Variants in MAP2 observed in about 807,000 individuals in gnomAD.
MAP2 encodes microtubule-associated protein 2.
A neutral mutation model predicts 137.6 loss-of-function variants in MAP2; 14 were observed. The ratio of observed to expected loss-of-function variants is 0.10; its 90% CI spans 0.07 to 0.16. The LOEUF (loss-of-function observed/expected upper bound fraction) is 0.16, where lower values mean the gene tolerates loss of function less well. Ranked by LOEUF, MAP2 falls within the 10% of genes least tolerant of loss-of-function variation. MAP2 has a pLI of 1.00. For missense variants in MAP2, 2,088 were observed against 2,191.5 expected (o/e 0.95, Z 0.94); for synonymous variants, 786 against 782.3 (o/e 1.00, Z -0.08).
rs116543713 is a variant in MAP2 at position 209,581,933 on chromosome 2, G to A, written c.-107+1833G>A. On this transcript the variant is annotated intron_variant, in intron 3 of 15. Coordinates refer to ENST00000682079, the MANE Select transcript of MAP2 (RefSeq NM_001375505.1). Reference sequence around the variant, plus strand: ...ACAAAATGCATATAATAAAAAATGAGTTTATTAAAATAGTAGGTTGGGTGA... The same window carrying A: ...ACAAAATGCATATAATAAAAAATGAATTTATTAAAATAGTAGGTTGGGTGA... Among the ~76,000 whole-genome samples, 1,397 of 152,116 alleles carry A rather than the reference G, an allele frequency of 9.2e-3. 23 individuals carry two copies. Among genetic ancestry groups the A allele is most frequent in the African/African-American group, 0.031 (1,293 of 41,500 alleles).
intron 1 of MAP2, among the ~76,000 whole-genome samples, chr2:209,493,688 C>T (rs1169231792): frequency 6.6e-6 from 1 of 152,140 alleles, no homozygotes; most frequent in African/African-American, 2.4e-5. Context: ...AGAAAAGCTC[C>T]TCATCACTGG....
At chr2:209,503,183 T>A (rs2150141771) in intron 1 of MAP2, among the ~76,000 whole-genome samples, 2 of 151,992 alleles carry the variant, frequency 1.3e-5, no homozygotes, top group African/African-American at 4.8e-5. Flanking sequence ...GTATTCTTTG[T>A]AAAGTTCGGG....
chr2:209,704,115 C>G, intron 11 of MAP2: 1 of 450,046 alleles, frequency 2.2e-6, no homozygotes, highest in Admixed American at 2.4e-5. Context: ...GTTTTTCAAT[C>G]CTTCCCCCAC....
At chr2:209,512,709 A>G (rs1042591269) in intron 2 of MAP2, among the ~76,000 whole-genome samples, 1 of 152,044 alleles carries the variant, frequency 6.6e-6, no homozygotes, top group African/African-American at 2.4e-5. Flanking sequence ...TGGTACAATC[A>G]TAGCTTAGTA....
intron 4 of MAP2, among the ~76,000 whole-genome samples, chr2:209,646,971 G>C (rs995656011): frequency 2.6e-5 from 4 of 152,146 alleles, no homozygotes; most frequent in Non-Finnish European, 5.9e-5. Flanking sequence ...AGGTTCAGTT[G>C]CCTCATGGTT....
chr2:209,473,532 T>C lies in MAP2; in HGVS notation c.-221-34060T>C, dbSNP rs1203561639. On this transcript the variant is annotated intron_variant, in intron 1 of 15. Coordinates refer to ENST00000682079, the MANE Select transcript of MAP2 (RefSeq NM_001375505.1). ...TCACATATGTTTTCATTAAGAGACC[T>C]GTACAATTTTATATTATGATTTATC... Among the ~76,000 whole-genome samples, 3 of 152,108 alleles carry C rather than the reference T, an allele frequency of 2.0e-5. No homozygotes were observed. The East Asian group carries it at 5.8e-4, about 29-fold the overall frequency.
At position 209,625,622 on chromosome 2, in the gene MAP2, A is replaced by T. The variant is rs565832205; in HGVS notation, c.-30+493A>T. ...AGATTGCATACATGGCTTTGGAAGC[A>T]GGCACTGGACAGAACACCAGCCCCA... On this transcript the variant is annotated intron_variant, in intron 4 of 15. Coordinates refer to ENST00000682079, the MANE Select transcript of MAP2 (RefSeq NM_001375505.1). Among the ~76,000 whole-genome samples the T allele has an allele frequency of 3.7e-4, 57 of 152,342 alleles. No homozygotes were observed. The South Asian group carries it at 0.012, about 32-fold the overall frequency.
At chr2:209,670,054 A>G (rs2048118202) in intron 5 of MAP2, among the ~76,000 whole-genome samples, 1 of 152,014 alleles carries the variant, frequency 6.6e-6, no homozygotes, top group Non-Finnish European at 1.5e-5. Context: ...GACGAGATGC[A>G]AAACAGAACA....
intron 2 of MAP2, among the ~76,000 whole-genome samples, chr2:209,576,040 G>T (rs373376730): frequency 6.6e-6 from 1 of 152,062 alleles, no homozygotes; most frequent in African/African-American, 2.4e-5. Context: ...ACACAAATAC[G>T]CAGACCAATA....
chr2:209,679,775 G>A, intron 6 of MAP2, among the ~76,000 whole-genome samples: 1 of 151,730 alleles, frequency 6.6e-6, no homozygotes. Flanking sequence ...TTAACCTTCA[G>A]TTTATTGTTC....
At chr2:209,467,182 G>A (rs1019788680) in intron 1 of MAP2, among the ~76,000 whole-genome samples, 1 of 151,744 alleles carries the variant, frequency 6.6e-6, no homozygotes, top group Non-Finnish European at 1.5e-5. Flanking sequence ...GTCTTTTTTG[G>A]ACTTTATTTC....
intron 2 of MAP2, among the ~76,000 whole-genome samples, chr2:209,524,836 T>C (rs1266994094): frequency 6.6e-6 from 1 of 152,090 alleles, no homozygotes; most frequent in East Asian, 1.9e-4. Flanking sequence ...AAAGTTAATA[T>C]CAATTTTTTT....
At chr2:209,491,461 G>GGA (rs1361724486) in intron 1 of MAP2, among the ~76,000 whole-genome samples, 5 of 151,944 alleles carry the variant, frequency 3.3e-5, no homozygotes, top group African/African-American at 1.2e-4. Flanking sequence ...CAGAAATGAA[G>GGA]GAGAGAGAGA....
intron 1 of MAP2, among the ~76,000 whole-genome samples, chr2:209,481,353 G>T (rs1708722772): frequency 2.0e-5 from 3 of 152,182 alleles, no homozygotes; most frequent in Admixed American, 1.3e-4. Context: ...GGCTACCCAG[G>T]TAAAGGAAGG....
chr2:209,664,962 CAAAAAAA>C (rs67286716), intron 5 of MAP2, among the ~76,000 whole-genome samples: 16 of 51,830 alleles, frequency 3.1e-4, no homozygotes, highest in Non-Finnish European at 3.6e-4. Context: ...AACTCCGTCT[CAAAAAAA>C]AAAAAAAAAA....
At chr2:209,663,186 A>G (rs2044517818) in intron 5 of MAP2, among the ~76,000 whole-genome samples, 1 of 152,088 alleles carries the variant, frequency 6.6e-6, no homozygotes, top group Non-Finnish European at 1.5e-5. Context: ...TCAGTGTGTC[A>G]AGCCTTTTTC....
chr2:209,555,437 T>C (rs1386831367), intron 2 of MAP2, among the ~76,000 whole-genome samples: 3 of 152,166 alleles, frequency 2.0e-5, no homozygotes, highest in Non-Finnish European at 2.9e-5. Context: ...TTTTGTGTTA[T>C]GGAGAATTCT....
chr2:209,715,311 T>C (rs1207634536), intron 13 of MAP2, among the ~76,000 whole-genome samples: 1 of 152,150 alleles, frequency 6.6e-6, no homozygotes, highest in Non-Finnish European at 1.5e-5. Context: ...CATGGGGAGT[T>C]GTCTCCTATT....
At chr2:209,643,503 G>T (rs1426587562) in intron 4 of MAP2, among the ~76,000 whole-genome samples, 1 of 152,108 alleles carries the variant, frequency 6.6e-6, no homozygotes, top group African/African-American at 2.4e-5. Flanking sequence ...TTTGCACCCT[G>T]CTTATTACCC....
Sources: allele counts gnomAD v4.1 joint callset (sites outside exome capture counted in the v4.1 genomes callset), GRCh38; gene constraint gnomAD v4.1.1; transcripts MANE v1.5; gene names NCBI Gene and HGNC (gene_info 2026-07-23, HGNC 2026-07-21).